Variants in LGALS4 observed in about 807,000 individuals in gnomAD.
The protein encoded by LGALS4 is galectin-4.
In LGALS4, 37 loss-of-function variants were observed where a neutral mutation model predicts 39.6. That is an observed-to-expected ratio of 0.93 (90% CI 0.72 to 1.23). The LOEUF (loss-of-function observed/expected upper bound fraction) is 1.23. LGALS4 is among the 50% of genes most tolerant of loss of function. The pLI is 0.00. For missense variants in LGALS4, 397 were observed against 433.2 expected (o/e 0.92, Z 0.74); for synonymous variants, 160 against 165.5 (o/e 0.97, Z 0.25).
intron 7 of LGALS4, 56 bp from the exon 8 acceptor site, chr19:38,802,460 G>C (rs1374882376): frequency 7.4e-7 from 1 of 1,345,884 alleles, no homozygotes; most frequent in Non-Finnish European, 1.1e-6. Flanking sequence ...AGCCAGATGT[G>C]GGAAGAAATT....
chr19:38,812,708 G>T, intron 1 of LGALS4, 134 bp downstream of exon 1: 1 of 1,060,378 alleles, frequency 9.4e-7, no homozygotes, highest in Non-Finnish European at 1.4e-6. Flanking sequence ...GGAGTAAATC[G>T]AGGGTCGGGG....
intron 4 of LGALS4, among the ~76,000 whole-genome samples, chr19:38,805,169 TAATAATAATAATAA>T (rs1299380247): frequency 7.8e-5 from 5 of 64,250 alleles, no homozygotes; most frequent in African/African-American, 1.4e-4. Flanking sequence ...GCCTCAAAAA[TAATAATAATAATAA>T]TAATAATAAT....
chr19:38,806,359 C>T lies in LGALS4; in HGVS notation c.474+102G>A, dbSNP rs1971421067. On this transcript the variant is annotated intron_variant, in intron 4 of 9. Transcript: ENST00000307751. ...CTCCAACCTGGGCGACAGAGTGAGACTCCGTCTCAAAAAAAAAAGAAAAAA... is the reference window on the plus strand; with the variant it reads ...CTCCAACCTGGGCGACAGAGTGAGATTCCGTCTCAAAAAAAAAAGAAAAAA... 4.5e-6 allele frequency: 6 copies of T among 1,326,740 alleles called. No homozygotes were observed. The East Asian group carries it at 1.4e-4, about 32-fold the overall frequency. 82.2% of individuals were successfully genotyped at this position (1,326,740 alleles called of 1,614,324 possible).
chr19:38,807,233 T>C (rs746980481), intron 3 of LGALS4, among the ~76,000 whole-genome samples: 5 of 151,984 alleles, frequency 3.3e-5, no homozygotes, highest in African/African-American at 4.8e-5. Context: ...CCGGGCGTGG[T>C]GGTGTGCACC....
At chr19:38,805,901 G>A (rs529745978) in intron 4 of LGALS4, among the ~76,000 whole-genome samples, 60 of 152,180 alleles carry the variant, frequency 3.9e-4, no homozygotes, top group Non-Finnish European at 6.9e-4. Context: ...GTGAAACCCC[G>A]TCTCTACTAA....
rs146257134 is a variant in LGALS4, at chr19:38,803,716, G to A, written c.540+26C>T. On this transcript the variant is annotated intron_variant, in intron 6 of 9. Transcript: ENST00000307751. ...TTCTCACCATTCCCACTCCTCACCCGGGGCCCTCCCAGCCCTCCCACTCAC... is the reference window on the plus strand; with the variant it reads ...TTCTCACCATTCCCACTCCTCACCCAGGGCCCTCCCAGCCCTCCCACTCAC... 7.6e-4 allele frequency: 1,227 copies of A among 1,610,574 alleles called. 6 individuals carry two copies. The African/African-American group carries it at 0.014, about 19-fold the overall frequency.
intron 2 of LGALS4, among the ~76,000 whole-genome samples, chr19:38,810,449 G>T (rs1269230968): frequency 7.4e-6 from 1 of 134,330 alleles, no homozygotes; most frequent in South Asian, 2.6e-4. Flanking sequence ...TGCAAGCTCC[G>T]CCTCCTGGTT....
At chr19:38,804,370 C>G (rs747427245) in intron 4 of LGALS4, among the ~76,000 whole-genome samples, 5 of 152,190 alleles carry the variant, frequency 3.3e-5, no homozygotes, top group Non-Finnish European at 7.3e-5. Flanking sequence ...ACCTCTGCCT[C>G]CTGGGTTCAA....
At chr19:38,811,160 T>C (rs1971489186) in intron 2 of LGALS4, among the ~76,000 whole-genome samples, 1 of 151,678 alleles carries the variant, frequency 6.6e-6, no homozygotes, top group African/African-American at 2.4e-5. Context: ...CTAGGCCTCC[T>C]AAAGTGCTGG....
chr19:38,808,477 A>T, intron 3 of LGALS4, among the ~76,000 whole-genome samples: 1 of 152,002 alleles, frequency 6.6e-6, no homozygotes. Context: ...TACAGAAATT[A>T]GCTGAGCGTG....
rs775706738 is a variant in LGALS4 at position 38,801,772 on chromosome 19, G to T, written c.964C>A (p.Gln322Lys). Residue 322 changes from glutamine (Q) to lysine (K), a missense_variant, in exon 10 of 10, where the codon CAG becomes AAG. Gln to Lys is a moderately conservative substitution (Grantham distance 53, BLOSUM62 1). Coordinates refer to ENST00000307751, the MANE Select transcript of LGALS4 (RefSeq NM_006149.4). The stretch of plus-strand genomic sequence containing the variant: ...ATGGCCCCAGGAATAGATTAGATCT[G>T]GACATAGGACAAGGTGACATCACCC... ...IQGDVTLSYV[Q>K]I The T allele has an allele frequency of 6.2e-6, 10 of 1,614,054 alleles. No individual in the cohort carries two copies. The highest frequency in any genetic ancestry group is 4.2e-6 in the Non-Finnish European group (5 of 1,180,038).
chr19:38,806,380 A>G (rs557126371), intron 4 of LGALS4, 81 bp downstream of exon 4: 31 of 1,490,938 alleles, frequency 2.1e-5, no homozygotes, highest in Middle Eastern at 1.8e-4. Flanking sequence ...AAAAAAAAGA[A>G]AAAAAGAAAA....
intron 2 of LGALS4, among the ~76,000 whole-genome samples, chr19:38,811,196 C>A (rs185998746): frequency 6.6e-6 from 1 of 152,226 alleles, no homozygotes; most frequent in African/African-American, 2.4e-5. Flanking sequence ...CTACCGCGCC[C>A]GGCCTGGACT....
chr19:38,801,960 G>A, intron 9 of LGALS4, 32 bp downstream of exon 9: 1 of 1,613,924 alleles, frequency 6.2e-7, no homozygotes, highest in Non-Finnish European at 8.5e-7. Context: ...TGAGGCCCTG[G>A]AAGGAAGTGG....
Position 38,806,596 on chromosome 19 carries a change from C to G in LGALS4, c.340-1G>C. ...AGAAGGGATTTCCATTTACCACCAC[C>G]TGGAGGGCAGAGATGGGAGGTCAGG... On this transcript the variant is annotated splice_acceptor_variant, in intron 3 of 9. Transcript: ENST00000307751. LOFTEE classifies it high-confidence loss of function. The G allele has an allele frequency of 1.9e-6, 3 of 1,613,606 alleles. No homozygotes were observed. Among genetic ancestry groups the G allele is most frequent in the Non-Finnish European group, 2.5e-6 (3 of 1,179,850 alleles).
intron 2 of LGALS4, among the ~76,000 whole-genome samples, chr19:38,810,899 CTTTT>C (rs59517682): frequency 1.6e-5 from 2 of 125,028 alleles, no homozygotes; most frequent in Admixed American, 8.3e-5. Flanking sequence ...ACATATTTGA[CTTTT>C]TTTTTTTTTT....
chr19:38,803,619 A>G, intron 6 of LGALS4, 68 bp from the exon 7 acceptor site: 1 of 1,598,130 alleles, frequency 6.3e-7, no homozygotes, highest in Non-Finnish European at 8.6e-7. Context: ...CACCCATTAG[A>G]CTCCGGCGTT....
chr19:38,804,526 G>A (rs983724690), intron 4 of LGALS4, among the ~76,000 whole-genome samples: 106 of 152,074 alleles, frequency 7.0e-4, no homozygotes, highest in African/African-American at 2.5e-3. Flanking sequence ...TGATCCGCTC[G>A]CCTCACCCTC....
intron 4 of LGALS4, among the ~76,000 whole-genome samples, chr19:38,806,127 G>C (rs1971418686): frequency 6.6e-6 from 1 of 152,066 alleles, no homozygotes; most frequent in African/African-American, 2.4e-5. Flanking sequence ...CAGCACTTTG[G>C]GAAGTCGAGG....
Sources: allele counts gnomAD v4.1 joint callset (sites outside exome capture counted in the v4.1 genomes callset), GRCh38; gene constraint gnomAD v4.1.1; transcripts MANE v1.5; gene names NCBI Gene and HGNC (gene_info 2026-07-23, HGNC 2026-07-21).